ATXN1: variants seen among roughly 807,000 people sequenced by gnomAD.
ATXN1 encodes the protein ataxin-1.
ATXN1 carries 8 observed loss-of-function variants against 56.4 expected under a neutral mutation model. That is an observed-to-expected ratio of 0.14 (90% CI 0.08 to 0.26). The LOEUF is 0.26. ATXN1 is among the 10% of genes least tolerant of loss of function. ATXN1 has a pLI of 1.00. For missense variants in ATXN1, 987 were observed against 1,106.5 expected (o/e 0.89, Z 1.53); for synonymous variants, 514 against 494.6 (o/e 1.04, Z -0.52).
At position 16,606,161 on chromosome 6, in the gene ATXN1, C is replaced by T. The variant is rs1292705875; in HGVS notation, c.-488-20254G>A. On this transcript the variant is annotated intron_variant, in intron 3 of 7. Transcript: ENST00000436367. ...AGACCCTGTCTCAAAAACAAACAAA[C>T]AAAAAGAATGACAATTAACTCAAAG... 3.8e-5 allele frequency among the ~76,000 whole-genome samples: 4 copies of T among 104,976 alleles called. No individual in the cohort carries two copies. In the East Asian group the frequency reaches 1.2e-3, roughly 32 times the overall value. The allele number at this position is 104,976 out of a possible 152,430, so 68.9% of individuals were successfully genotyped here.
chr6:16,384,697 G>C (rs7741594), intron 6 of ATXN1, among the ~76,000 whole-genome samples: 47,702 of 151,982 alleles, frequency 0.31, 8,765 homozygotes, highest in East Asian at 0.92. Context: ...TTGTTTAAAA[G>C]TGTGTAGCAC....
chr6:16,427,251 G>C (rs1241448819), intron 6 of ATXN1, among the ~76,000 whole-genome samples: 1 of 152,124 alleles, frequency 6.6e-6, no homozygotes, highest in African/African-American at 2.4e-5. Flanking sequence ...CTTTGTGGTG[G>C]GGGCTGTCCT....
intron 3 of ATXN1, among the ~76,000 whole-genome samples, chr6:16,625,770 A>G (rs1470288809): frequency 6.6e-6 from 1 of 152,036 alleles, no homozygotes; most frequent in Admixed American, 6.6e-5. Flanking sequence ...AAAAATGCAG[A>G]GTACACATAA....
At chr6:16,644,182 G>A (rs929106319) in intron 3 of ATXN1, among the ~76,000 whole-genome samples, 5 of 152,142 alleles carry the variant, frequency 3.3e-5, no homozygotes, top group African/African-American at 1.2e-4. Context: ...GGAGATGATT[G>A]CACTACACTG....
chr6:16,557,533 G>T (rs1762037656), intron 4 of ATXN1, among the ~76,000 whole-genome samples: 1 of 151,840 alleles, frequency 6.6e-6, no homozygotes, highest in Non-Finnish European at 1.5e-5. Flanking sequence ...AAGTTCCTAT[G>T]GAAAAATAAA....
chr6:16,717,371 G>A (rs372252513), intron 2 of ATXN1, among the ~76,000 whole-genome samples: 4 of 152,206 alleles, frequency 2.6e-5, no homozygotes, highest in African/African-American at 9.7e-5. Context: ...GAACAGAGAG[G>A]CAGGCTATGT....
intron 2 of ATXN1, among the ~76,000 whole-genome samples, chr6:16,692,582 AAC>A (rs1179968900): frequency 3.9e-5 from 6 of 152,216 alleles, no homozygotes; most frequent in African/African-American, 1.4e-4. Context: ...ATTTTTGGAA[AAC>A]ATTTCATATA....
At chr6:16,487,962 T>A (rs1484821623) in intron 5 of ATXN1, among the ~76,000 whole-genome samples, 3 of 152,158 alleles carry the variant, frequency 2.0e-5, no homozygotes, top group Admixed American at 1.3e-4. Flanking sequence ...CTGTGTTCTG[T>A]TATTTCTCTC....
chr6:16,699,415 G>A (rs534625578), intron 2 of ATXN1, among the ~76,000 whole-genome samples: 55 of 152,330 alleles, frequency 3.6e-4, no homozygotes, highest in Non-Finnish European at 6.0e-4. Context: ...GAGTAGGTGA[G>A]GATGGGAAAA....
Position 16,351,742 on chromosome 6 carries a change from G to A in ATXN1, c.-160-23272C>T, listed in dbSNP as rs1025616753. 2.6e-5 allele frequency among the ~76,000 whole-genome samples: 4 copies of A among 152,260 alleles called. No individual in the cohort carries two copies. The South Asian group carries it at 8.3e-4, about 32-fold the overall frequency. ...CTGGATCAATATTTCTCCTTGTAAT[G>A]TAATTCCAACAGAAGGGAAACCAGG... is the stretch of plus-strand genomic sequence containing the variant. On this transcript the variant is annotated intron_variant, in intron 6 of 7. Coordinates refer to ENST00000436367, the MANE Select transcript of ATXN1 (RefSeq NM_001128164.2).
At chr6:16,347,877 G>A (rs973044935) in intron 6 of ATXN1, among the ~76,000 whole-genome samples, 4 of 145,860 alleles carry the variant, frequency 2.7e-5, no homozygotes, top group African/African-American at 5.6e-5. Flanking sequence ...TGGAAGCTTT[G>A]TTCTTTTTGT....
At chr6:16,424,839 AGACTCAGAACAG>A (rs1229029322) in intron 6 of ATXN1, among the ~76,000 whole-genome samples, 1 of 152,206 alleles carries the variant, frequency 6.6e-6, no homozygotes, top group Non-Finnish European at 1.5e-5. Context: ...ACCTTCAGGA[AGACTCAGAACAG>A]CTCCAGCCTG....
chr6:16,379,383 C>A (rs750995659), intron 6 of ATXN1, among the ~76,000 whole-genome samples: 1 of 152,088 alleles, frequency 6.6e-6, no homozygotes, highest in Non-Finnish European at 1.5e-5. Context: ...CCAAATACCA[C>A]CTGTATCCCA....
At chr6:16,312,541 C>T (rs946996155) in intron 7 of ATXN1, among the ~76,000 whole-genome samples, 1 of 151,874 alleles carries the variant, frequency 6.6e-6, no homozygotes, top group East Asian at 1.9e-4. Flanking sequence ...AAACAACTAA[C>T]TATATATTGT....
rs1337581494 is a variant in ATXN1, at chr6:16,327,345, C to T, written c.966G>A (p.Glu322=). 1 of 1,613,498 alleles carries T rather than the reference C, an allele frequency of 6.2e-7. No individual in the cohort carries two copies. Among genetic ancestry groups the T allele is most frequent in the Non-Finnish European group, 8.5e-7 (1 of 1,179,988 alleles). The change falls in exon 7 of 8, where the codon GAG becomes GAA. Residue 322 remains glutamate, a synonymous_variant. Coordinates refer to ENST00000436367, the MANE Select transcript of ATXN1 (RefSeq NM_001128164.2). ...TCTTCTCCATCTCACCGTTCAGGAC[C>T]TCCTTGGCCTGGATGGCCTGCTGCA... is the stretch of plus-strand genomic sequence containing the variant. ...SRLQQAIQAK[E]VLNGEMEKSR... is the part of the protein sequence containing the mutation.
intron 6 of ATXN1, among the ~76,000 whole-genome samples, chr6:16,379,228 A>T (rs1267689177): frequency 6.6e-6 from 1 of 152,174 alleles, no homozygotes. Flanking sequence ...CAAAGGCATA[A>T]GAATGATACA....
At chr6:16,472,057 G>C (rs548656960) in intron 6 of ATXN1, among the ~76,000 whole-genome samples, 2 of 152,298 alleles carry the variant, frequency 1.3e-5, no homozygotes, top group East Asian at 3.9e-4. Context: ...GTCCCTGGCA[G>C]CTTAGAATGG....
intron 3 of ATXN1, among the ~76,000 whole-genome samples, chr6:16,624,727 G>T (rs914053669): frequency 1.3e-5 from 2 of 152,156 alleles, no homozygotes; most frequent in Non-Finnish European, 2.9e-5. Flanking sequence ...TAAAGTTACT[G>T]CTCACATTGC....
chr6:16,638,310 G>A (rs1158336957), intron 3 of ATXN1, among the ~76,000 whole-genome samples: 1 of 152,020 alleles, frequency 6.6e-6, no homozygotes, highest in Non-Finnish European at 1.5e-5. Flanking sequence ...GCTGAGCATG[G>A]TGGCATATGT....
Sources: gnomAD v4.1 joint callset for allele counts (sites outside exome capture counted in the v4.1 genomes callset) on GRCh38, gnomAD v4.1.1 for gene constraint, MANE v1.5 for transcripts, NCBI Gene and HGNC (gene_info 2026-07-23, HGNC 2026-07-21) for gene names.